Variants in OPN5 observed in about 807,000 individuals in gnomAD.
OPN5 encodes the protein opsin-5.
In OPN5, 18 loss-of-function variants were observed where a neutral mutation model predicts 41.7. That is an observed-to-expected ratio of 0.43 (90% CI 0.30 to 0.64). OPN5 has a LOEUF of 0.64. OPN5 is among the 30% of genes least tolerant of loss of function. OPN5 has a pLI of 0.13. For missense variants in OPN5, 318 were observed against 434.5 expected (o/e 0.73, Z 2.38); for synonymous variants, 178 against 164.3 (o/e 1.08, Z -0.64).
intron 2 of OPN5, 100 bp from the exon 3 acceptor site, chr6:47,791,700 CAT>C (rs1468053139): frequency 2.3e-6 from 2 of 867,866 alleles, no homozygotes; most frequent in Non-Finnish European, 3.8e-6. Context: ...TGTGCGTTCA[CAT>C]GTGTCCCCGT....
intron 4 of OPN5, among the ~76,000 whole-genome samples, chr6:47,799,877 T>G (rs1773705234): frequency 6.6e-6 from 1 of 152,202 alleles, no homozygotes; most frequent in South Asian, 2.1e-4. Context: ...GTACATCCTC[T>G]AAATTTCTCA....
intron 6 of OPN5, among the ~76,000 whole-genome samples, chr6:47,816,472 A>G (rs1417314295): frequency 6.6e-6 from 1 of 152,060 alleles, no homozygotes; most frequent in East Asian, 1.9e-4. Flanking sequence ...TTCTCCTGTT[A>G]TCTTTGGGTG....
chr6:47,800,794 G>A (rs975519592), intron 4 of OPN5, among the ~76,000 whole-genome samples: 1 of 152,214 alleles, frequency 6.6e-6, no homozygotes, highest in African/African-American at 2.4e-5. Context: ...GTTCACTGTT[G>A]TAGTTTTTCT....
chr6:47,811,328 G>A (rs1039082096), intron 5 of OPN5, among the ~76,000 whole-genome samples: 6 of 152,124 alleles, frequency 3.9e-5, no homozygotes, highest in Non-Finnish European at 7.4e-5. Context: ...GGCTTGCAAT[G>A]CTGTCTTCAT....
intron 4 of OPN5, among the ~76,000 whole-genome samples, chr6:47,807,338 C>T (rs1050242213): frequency 2.6e-5 from 4 of 152,072 alleles, no homozygotes; most frequent in Admixed American, 2.6e-4. Flanking sequence ...AAAGCACTTG[C>T]TAAAAAGAGT....
intron 4 of OPN5, among the ~76,000 whole-genome samples, chr6:47,797,122 T>C (rs1488620734): frequency 1.3e-5 from 2 of 152,176 alleles, no homozygotes; most frequent in East Asian, 3.9e-4. Flanking sequence ...ATGAGCATTA[T>C]GGGAGCTACA....
At chr6:47,788,378 C>A (rs1773259625) in intron 2 of OPN5, among the ~76,000 whole-genome samples, 1 of 152,182 alleles carries the variant, frequency 6.6e-6, no homozygotes, top group African/African-American at 2.4e-5. Flanking sequence ...AGGCTCATTG[C>A]TGAACTAGAC....
intron 4 of OPN5, among the ~76,000 whole-genome samples, chr6:47,801,084 T>A (rs187042658): frequency 2.0e-5 from 3 of 152,152 alleles, no homozygotes; most frequent in South Asian, 4.2e-4. Context: ...ATCAGAGCAC[T>A]TGGCACTTTA....
chr6:47,784,210 G>A (rs546559825), intron 1 of OPN5, among the ~76,000 whole-genome samples: 1 of 152,240 alleles, frequency 6.6e-6, no homozygotes, highest in East Asian at 1.9e-4. Flanking sequence ...CGACTGGAGG[G>A]GTTTGGACTC....
At chr6:47,815,228 T>G (rs1762395969) in intron 6 of OPN5, among the ~76,000 whole-genome samples, 1 of 152,150 alleles carries the variant, frequency 6.6e-6, no homozygotes, top group Non-Finnish European at 1.5e-5. Flanking sequence ...TTTGCACCCC[T>G]GAAAGAATCA....
At chr6:47,826,062 G>T (rs570187957), downstream of OPN5, 1 of 151,420 alleles carries the variant, frequency 6.6e-6, no homozygotes, top group East Asian at 1.9e-4. Context: ...TATATTTCTG[G>T]TTTGTTTAAT....
chr6:47,806,981 A>G lies in OPN5; in HGVS notation c.757-1173A>G, dbSNP rs372157976. 8.5e-5 allele frequency among the ~76,000 whole-genome samples: 13 copies of G among 152,244 alleles called. No individual in the cohort carries two copies. The South Asian group carries it at 2.3e-3, about 27-fold the overall frequency. On this transcript the variant is annotated intron_variant, in intron 4 of 6. Transcript: ENST00000371211. ...GAGACCAGCCTGGCCAACATGGTGA[A>G]ACCCTGTCTCTACAAAAATACAAAA...
intron 6 of OPN5, among the ~76,000 whole-genome samples, chr6:47,817,816 TG>T (rs1163070684): frequency 6.6e-6 from 1 of 152,134 alleles, no homozygotes; most frequent in East Asian, 1.9e-4. Flanking sequence ...CCCTGGATAC[TG>T]GGGATCTGTG....
At chr6:47,794,201 C>T (rs944130416) in intron 3 of OPN5, among the ~76,000 whole-genome samples, 5 of 152,196 alleles carry the variant, frequency 3.3e-5, no homozygotes, top group Admixed American at 6.5e-5. Flanking sequence ...TTAGGCCTGA[C>T]CGACTTTCCA....
At chr6:47,792,069 G>A in intron 3 of OPN5, 97 bp downstream of exon 3, 2 of 798,864 alleles carry the variant, frequency 2.5e-6, no homozygotes, top group Non-Finnish European at 4.0e-6. Flanking sequence ...CAAAGATTAT[G>A]AATAACCTCA....
intron 1 of OPN5, among the ~76,000 whole-genome samples, chr6:47,783,544 C>T (rs1773129313): frequency 6.6e-6 from 1 of 152,158 alleles, no homozygotes; most frequent in African/African-American, 2.4e-5. Flanking sequence ...GTGATTCAAC[C>T]AAATTCTGCT....
At chr6:47,789,378 T>C (rs553168368) in intron 2 of OPN5, among the ~76,000 whole-genome samples, 1 of 152,170 alleles carries the variant, frequency 6.6e-6, no homozygotes, top group African/African-American at 2.4e-5. Flanking sequence ...CTTTCTGTCA[T>C]ACCACATCTT....
At chr6:47,800,498 G>A (rs1773728531) in intron 4 of OPN5, among the ~76,000 whole-genome samples, 1 of 152,188 alleles carries the variant, frequency 6.6e-6, no homozygotes, top group Non-Finnish European at 1.5e-5. Flanking sequence ...GCCAATCTGA[G>A]GTTCTACAAT....
At chr6:47,799,650 G>A (rs1191521088) in intron 4 of OPN5, among the ~76,000 whole-genome samples, 1 of 152,134 alleles carries the variant, frequency 6.6e-6, no homozygotes, top group Non-Finnish European at 1.5e-5. Flanking sequence ...GTCTTGGCTG[G>A]GGCCCTGGGA....
Sources: gnomAD v4.1 joint callset for allele counts (sites outside exome capture counted in the v4.1 genomes callset) on GRCh38, gnomAD v4.1.1 for gene constraint, MANE v1.5 for transcripts, NCBI Gene and HGNC (gene_info 2026-07-23, HGNC 2026-07-21) for gene names.